Variants in TMEM232 observed in about 807,000 individuals in gnomAD.
The protein encoded by TMEM232 is transmembrane protein 232.
A neutral mutation model predicts 78.8 loss-of-function variants in TMEM232; 80 were observed. The observed-to-expected ratio is 1.01, with a 90% CI of 0.85 to 1.22. The LOEUF is 1.22. Among genes scored for constraint, TMEM232 ranks in the 50% most tolerant of loss-of-function variants. The pLI, the probability that TMEM232 is intolerant of heterozygous loss-of-function variation, is 0.00. For missense variants in TMEM232, 881 were observed against 742.2 expected (o/e 1.19, Z -2.17); for synonymous variants, 297 against 254.3 (o/e 1.17, Z -1.60).
At chr5:110,467,773 G>T (rs987223529) in intron 12 of TMEM232, among the ~76,000 whole-genome samples, 2 of 152,160 alleles carry the variant, frequency 1.3e-5, no homozygotes, top group African/African-American at 4.8e-5. Context: ...ACACAGTTCT[G>T]GAAGCTAGAA....
intron 12 of TMEM232, among the ~76,000 whole-genome samples, chr5:110,490,165 GAA>G (rs766777109): frequency 6.4e-4 from 84 of 131,856 alleles, no homozygotes; most frequent in Non-Finnish European, 9.9e-4. Context: ...AAGAAAGAAA[GAA>G]AGAAAGAAAG....
intron 3 of TMEM232, among the ~76,000 whole-genome samples, chr5:110,391,784 T>A (rs1432639750): frequency 1.3e-5 from 2 of 152,326 alleles, no homozygotes; most frequent in East Asian, 3.9e-4. Context: ...CAAGTCAAGA[T>A]AAAAGTGTAC....
At chr5:110,423,129 T>A (rs757485279) in intron 13 of TMEM232, among the ~76,000 whole-genome samples, 4 of 152,178 alleles carry the variant, frequency 2.6e-5, no homozygotes, top group Non-Finnish European at 4.4e-5. Flanking sequence ...GGGATGTGTT[T>A]TTGTTATTTG....
At chr5:110,426,566 A>G (rs1757252343) in intron 12 of TMEM232, among the ~76,000 whole-genome samples, 1 of 152,032 alleles carries the variant, frequency 6.6e-6, no homozygotes, top group African/African-American at 2.4e-5. Context: ...TGTTGAGAGT[A>G]GAGTTGACAG....
Position 110,403,982 on chromosome 5 carries a change from G to A in TMEM232, n.309-6128C>T, listed in dbSNP as rs181380265. ...AAGATCAAAATGGTGATGTGGGTGC[G>A]GGGTAGGACTTTTCAATGAATTTTC... is the stretch of plus-strand genomic sequence containing the variant. On this transcript the variant is annotated intron_variant and non_coding_transcript_variant, in intron 2 of 8. Transcript: ENST00000507188. 5.0e-3 allele frequency among the ~76,000 whole-genome samples: 755 copies of A among 151,918 alleles called. 5 individuals carry two copies. Among genetic ancestry groups the A allele is most frequent in the Non-Finnish European group, 8.2e-3 (555 of 67,914 alleles).
chr5:110,619,575 C>G (rs1474879884), intron 7 of TMEM232, among the ~76,000 whole-genome samples: 1 of 152,160 alleles, frequency 6.6e-6, no homozygotes, highest in Non-Finnish European at 1.5e-5. Flanking sequence ...TCAGTGTTGA[C>G]AGTGTTAGAA....
chr5:110,451,576 C>T (rs1246935075), intron 12 of TMEM232, among the ~76,000 whole-genome samples: 1 of 152,042 alleles, frequency 6.6e-6, no homozygotes, highest in Admixed American at 6.6e-5. Context: ...CAATCTTTTG[C>T]TTTAATGATT....
At chr5:110,511,666 A>G (rs1457887294) in intron 12 of TMEM232, among the ~76,000 whole-genome samples, 3 of 152,158 alleles carry the variant, frequency 2.0e-5, no homozygotes, top group Non-Finnish European at 4.4e-5. Context: ...TTATCATTAC[A>G]TCACTTTCCA....
chr5:110,681,562 G>C (rs1792751959), intron 1 of TMEM232, among the ~76,000 whole-genome samples: 3 of 152,188 alleles, frequency 2.0e-5, no homozygotes, highest in Non-Finnish European at 4.4e-5. Flanking sequence ...GCGTGAGAGA[G>C]ATTAAATATC....
intron 10 of TMEM232, among the ~76,000 whole-genome samples, chr5:110,588,152 G>A (rs1052727626): frequency 6.6e-6 from 1 of 151,996 alleles, no homozygotes; most frequent in African/African-American, 2.4e-5. Flanking sequence ...CTGTGCTAAT[G>A]ATTTTTCTAA....
At chr5:110,630,837 C>T (rs1363212589) in intron 5 of TMEM232, among the ~76,000 whole-genome samples, 1 of 152,150 alleles carries the variant, frequency 6.6e-6, no homozygotes, top group Non-Finnish European at 1.5e-5. Flanking sequence ...CTTCAGTGGT[C>T]TATGTCCCTA....
intron 5 of TMEM232, among the ~76,000 whole-genome samples, chr5:110,632,815 G>A (rs1422606948): frequency 6.6e-6 from 1 of 152,124 alleles, no homozygotes; most frequent in Non-Finnish European, 1.5e-5. Context: ...AAAAGTGAAT[G>A]AAAGGGTTCA....
At chr5:110,546,260 A>C (rs1201346904) in intron 11 of TMEM232, among the ~76,000 whole-genome samples, 1 of 152,138 alleles carries the variant, frequency 6.6e-6, no homozygotes, top group Non-Finnish European at 1.5e-5. Flanking sequence ...GATAATGTAG[A>C]GAGTAGATAA....
At chr5:110,653,144 C>T (rs1191395308) in intron 2 of TMEM232, among the ~76,000 whole-genome samples, 2 of 152,184 alleles carry the variant, frequency 1.3e-5, no homozygotes, top group Non-Finnish European at 2.9e-5. Context: ...AGGAAGTTCC[C>T]ATTCTGGGAG....
intron 10 of TMEM232, among the ~76,000 whole-genome samples, chr5:110,577,524 TA>T: frequency 6.6e-6 from 1 of 152,264 alleles, no homozygotes; most frequent in Middle Eastern, 3.4e-3. Flanking sequence ...TTACTGAGTA[TA>T]TACCCAAAGG....
chr5:110,716,030 C>T (rs139574485), intron 1 of TMEM232, among the ~76,000 whole-genome samples: 47 of 152,082 alleles, frequency 3.1e-4, no homozygotes, highest in African/African-American at 1.1e-3. Flanking sequence ...TTGAGTTGTC[C>T]CACCTTTCTA....
At chr5:110,575,222 A>C (rs1196735325) in intron 10 of TMEM232, among the ~76,000 whole-genome samples, 2 of 152,086 alleles carry the variant, frequency 1.3e-5, no homozygotes, top group Non-Finnish European at 2.9e-5. Flanking sequence ...GTTATTTTGC[A>C]TATATCATCA....
chr5:110,605,091 A>G lies in TMEM232; in HGVS notation c.1276+18T>C, dbSNP rs1421919659. The G allele has an allele frequency of 4.6e-6, 7 of 1,516,960 alleles. No individual in the cohort carries two copies. The highest frequency in any genetic ancestry group is 4.4e-6 in the Non-Finnish European group (5 of 1,127,020). 94.0% of individuals were successfully genotyped at this position (1,516,960 alleles called of 1,614,324 possible). On this transcript the variant is annotated intron_variant, in intron 10 of 13. Transcript: ENST00000455884. ...ACTTAAAAATATTACTCATCAAAGT[A>G]AAAAACAATCTACTTACAGTTCTCT...
At position 110,702,200 on chromosome 5, in the gene TMEM232, G is replaced by C. The variant is rs528363519; in HGVS notation, c.-13+24427C>G. Among the ~76,000 whole-genome samples, 163 of 152,114 alleles carry C rather than the reference G, an allele frequency of 1.1e-3. 1 individual carries two copies. Among genetic ancestry groups the C allele is most frequent in the Non-Finnish European group, 1.8e-3 (120 of 67,934 alleles). ...AAAATCTTACAATAGCCCCTGTTTT[G>C]GGCCATATTTGGGCTGCTGCTTTTC... On this transcript the variant is annotated intron_variant, in intron 1 of 13. Transcript: ENST00000455884.
Sources: gnomAD v4.1 joint callset for allele counts (sites outside exome capture counted in the v4.1 genomes callset) on GRCh38, gnomAD v4.1.1 for gene constraint, MANE v1.5 for transcripts, NCBI Gene and HGNC (gene_info 2026-07-23, HGNC 2026-07-21) for gene names.